The following ATRNL1 variants were observed in gnomAD, a reference collection of about 807,000 sequenced individuals.
ATRNL1 encodes attractin-like protein 1.
Under a neutral mutation model 182.7 loss-of-function variants are expected in ATRNL1, and 95 were observed. The ratio of observed to expected loss-of-function variants is 0.52; its 90% confidence interval spans 0.44 to 0.62. The LOEUF is 0.62. ATRNL1 is among the 20% of genes least tolerant of loss of function. The probability of loss-of-function intolerance (pLI) is 0.00; values close to 1 mark genes in which losing one functional copy is unlikely to be tolerated. For synonymous variants in ATRNL1, 576 were observed against 568.3 expected (o/e 1.01, Z -0.19); for missense variants, 1,471 against 1,679.5 (o/e 0.88, Z 2.17).
chr10:115,358,441 T>G (rs1341875322), intron 19 of ATRNL1, among the ~76,000 whole-genome samples: 1 of 151,610 alleles, frequency 6.6e-6, no homozygotes, highest in Non-Finnish European at 1.5e-5. Context: ...TATCTTTATT[T>G]TTTTATTTTT....
chr10:115,603,979 G>A (rs971542990), intron 26 of ATRNL1, among the ~76,000 whole-genome samples: 1 of 151,886 alleles, frequency 6.6e-6, no homozygotes, highest in African/African-American at 2.4e-5. Flanking sequence ...TTTCATCTTT[G>A]TCTAGTTTCT....
chr10:115,867,730 A>ATTT (rs59623583), intron 28 of ATRNL1, among the ~76,000 whole-genome samples: 24,417 of 137,966 alleles, frequency 0.18, 2,187 homozygotes, highest in South Asian at 0.29. Flanking sequence ...CACCCTGTGA[A>ATTT]TTTTTTTTTT....
chr10:115,855,814 A>G (rs553598875), intron 28 of ATRNL1, among the ~76,000 whole-genome samples: 1 of 152,228 alleles, frequency 6.6e-6, no homozygotes, highest in Non-Finnish European at 1.5e-5. Context: ...TTTAAGTTTC[A>G]ATGAACATGA....
At chr10:115,876,556 T>C (rs1951705543) in intron 28 of ATRNL1, among the ~76,000 whole-genome samples, 1 of 152,178 alleles carries the variant, frequency 6.6e-6, no homozygotes. Context: ...TTTCATATTT[T>C]TGAGGCTCTC....
At chr10:115,586,121 C>A (rs189543827) in intron 26 of ATRNL1, among the ~76,000 whole-genome samples, 28 of 8,000 alleles carry the variant, frequency 3.5e-3, no homozygotes, top group African/African-American at 4.0e-3. Context: ...GCCGAGAGAT[C>A]CGCTGTTAGT....
At chr10:115,927,428 T>G (rs1179330359) in intron 28 of ATRNL1, among the ~76,000 whole-genome samples, 1 of 152,134 alleles carries the variant, frequency 6.6e-6, no homozygotes, top group Non-Finnish European at 1.5e-5. Context: ...TTCAGTAACT[T>G]CCTTTGAATT....
At chr10:115,356,698 C>T (rs376252723) in intron 19 of ATRNL1, among the ~76,000 whole-genome samples, 1 of 151,974 alleles carries the variant, frequency 6.6e-6, no homozygotes, top group African/African-American at 2.4e-5. Flanking sequence ...CTCAGGATCT[C>T]TTCTTCTAAT....
At chr10:115,162,266 G>T (rs1387731083) in intron 6 of ATRNL1, among the ~76,000 whole-genome samples, 2 of 152,066 alleles carry the variant, frequency 1.3e-5, no homozygotes, top group African/African-American at 4.8e-5. Flanking sequence ...TAAATCAGGA[G>T]TGCCAAAGAA....
intron 27 of ATRNL1, among the ~76,000 whole-genome samples, chr10:115,759,750 A>C (rs1948685629): frequency 1.3e-5 from 2 of 148,990 alleles, no homozygotes; most frequent in Admixed American, 1.3e-4. Context: ...ATCTTGGCTC[A>C]CTGCAACCTC....
In ATRNL1 at chr10:115,419,738, G is replaced by A. The variant is rs1444069766; in HGVS notation, c.3270-6512G>A. 2.0e-5 allele frequency among the ~76,000 whole-genome samples: 3 copies of A among 152,158 alleles called. No individual in the cohort carries two copies. In the East Asian group the frequency reaches 5.8e-4, roughly 29 times the overall value. On this transcript the variant is annotated intron_variant, in intron 20 of 28. Transcript: ENST00000355044. ...AGCAGATACAATTATAAACATATAT[G>A]TGCCCACTAGCAGAGGACCTATGTA...
At chr10:115,379,917 C>G (rs1260617357) in intron 19 of ATRNL1, among the ~76,000 whole-genome samples, 1 of 152,190 alleles carries the variant, frequency 6.6e-6, no homozygotes, top group African/African-American at 2.4e-5. Flanking sequence ...AGCTCCACCT[C>G]CCGGGTTCAC....
chr10:115,391,132 A>G (rs1369149879), intron 19 of ATRNL1, among the ~76,000 whole-genome samples: 2 of 152,164 alleles, frequency 1.3e-5, no homozygotes, highest in Non-Finnish European at 2.9e-5. Flanking sequence ...TTAATTTCCT[A>G]TTTGGATGCC....
Position 115,913,500 on chromosome 10 carries a change from A to G in ATRNL1, c.4019-31158A>G, listed in dbSNP as rs112241644. ...GTTTCCTCAACTATAAAATGGGGATAGCAGCTTCTACCTCATAGGGATGGT... is the reference window on the plus strand; with the variant it reads ...GTTTCCTCAACTATAAAATGGGGATGGCAGCTTCTACCTCATAGGGATGGT... On this transcript the variant is annotated intron_variant, in intron 28 of 28. Transcript: ENST00000355044. 4.5e-3 allele frequency among the ~76,000 whole-genome samples: 682 copies of G among 152,380 alleles called. 2 individuals carry two copies. Among genetic ancestry groups the G allele is most frequent in the African/African-American group, 0.015 (642 of 41,596 alleles).
intron 26 of ATRNL1, among the ~76,000 whole-genome samples, chr10:115,555,278 A>G (rs1853247207): frequency 6.6e-6 from 1 of 151,850 alleles, no homozygotes; most frequent in African/African-American, 2.4e-5. Flanking sequence ...GCAAGCAAAA[A>G]TAAAAGATGT....
At chr10:115,763,070 G>A (rs1948771555) in intron 27 of ATRNL1, among the ~76,000 whole-genome samples, 1 of 152,078 alleles carries the variant, frequency 6.6e-6, no homozygotes, top group Non-Finnish European at 1.5e-5. Context: ...AAGTTATCAT[G>A]CAATAAATAT....
At chr10:115,649,133 G>C (rs192755166) in intron 26 of ATRNL1, among the ~76,000 whole-genome samples, 1 of 152,002 alleles carries the variant, frequency 6.6e-6, no homozygotes, top group Non-Finnish European at 1.5e-5. Flanking sequence ...TTATAGTGAC[G>C]CTTTGTTTTA....
intron 26 of ATRNL1, among the ~76,000 whole-genome samples, chr10:115,552,922 C>T (rs556071707): frequency 2.0e-5 from 3 of 151,380 alleles, no homozygotes; most frequent in Non-Finnish European, 4.5e-5. Context: ...ATTTATATAG[C>T]TTGTCCTTTT....
chr10:115,750,672 C>G (rs1387849311), intron 27 of ATRNL1, among the ~76,000 whole-genome samples: 1 of 151,880 alleles, frequency 6.6e-6, no homozygotes, highest in Non-Finnish European at 1.5e-5. Context: ...ATATTTTTCA[C>G]TTGTTAATGC....
intron 26 of ATRNL1, among the ~76,000 whole-genome samples, chr10:115,692,226 T>G (rs1466642407): frequency 6.6e-6 from 1 of 152,200 alleles, no homozygotes; most frequent in East Asian, 1.9e-4. Flanking sequence ...GAACTCTTTT[T>G]AATAATGTGT....
Sources: gnomAD v4.1 joint callset for allele counts (sites outside exome capture counted in the v4.1 genomes callset) on GRCh38, gnomAD v4.1.1 for gene constraint, MANE v1.5 for transcripts, NCBI Gene and HGNC (gene_info 2026-07-23, HGNC 2026-07-21) for gene names.